Variants in FMN1 observed in about 807,000 individuals in gnomAD.
FMN1 encodes the protein formin 1.
FMN1 carries 110 observed loss-of-function variants against 132.4 expected under a neutral mutation model. That is an observed-to-expected ratio of 0.83 (90% CI 0.71 to 0.97). FMN1 has a LOEUF of 0.97. Ranked by LOEUF, FMN1 falls within the 50% of genes least tolerant of loss-of-function variation. The pLI is 0.00. For synonymous variants in FMN1, 722 were observed against 651.7 expected, an observed-to-expected ratio of 1.11 and a Z score of -1.64; for missense variants, 1,792 against 1,705.3, an observed-to-expected ratio of 1.05 and a Z score of -0.90.
intron 6 of FMN1, among the ~76,000 whole-genome samples, chr15:33,053,200 G>C (rs992322599): frequency 2.6e-5 from 4 of 152,184 alleles, no homozygotes; most frequent in African/African-American, 9.6e-5. Flanking sequence ...GCCAACTGCT[G>C]ACTGGGCTGC....
At chr15:32,954,129 C>G (rs1468537643) in intron 9 of FMN1, among the ~76,000 whole-genome samples, 1 of 152,164 alleles carries the variant, frequency 6.6e-6, no homozygotes, top group African/African-American at 2.4e-5. Flanking sequence ...CTGCTAATTT[C>G]CACTGCAGTT....
chr15:32,838,828 A>T (rs1041668731), intron 17 of FMN1, among the ~76,000 whole-genome samples: 1 of 152,214 alleles, frequency 6.6e-6, no homozygotes, highest in Non-Finnish European at 1.5e-5. Flanking sequence ...GAACAATAGG[A>T]TTGTGACACG....
chr15:32,921,880 CCAGGTTGGT>C (rs1393059393), intron 10 of FMN1, among the ~76,000 whole-genome samples: 1 of 151,978 alleles, frequency 6.6e-6, no homozygotes, highest in Non-Finnish European at 1.5e-5. Context: ...GCCATGTTGG[CCAGGTTGGT>C]CTCGAACTCC....
intron 9 of FMN1, among the ~76,000 whole-genome samples, chr15:32,955,302 C>T (rs910429004): frequency 6.6e-6 from 1 of 152,190 alleles, no homozygotes; most frequent in African/African-American, 2.4e-5. Context: ...CCTGTGAGGG[C>T]ATGTGCAGGG....
intron 17 of FMN1, among the ~76,000 whole-genome samples, chr15:32,817,052 A>G (rs1387211714): frequency 6.6e-6 from 1 of 152,238 alleles, no homozygotes; most frequent in Non-Finnish European, 1.5e-5. Context: ...CTTATACATG[A>G]TTTACAATAT....
At chr15:33,001,778 G>A (rs988843880) in intron 7 of FMN1, among the ~76,000 whole-genome samples, 1 of 149,540 alleles carries the variant, frequency 6.7e-6, no homozygotes, top group East Asian at 2.0e-4. Flanking sequence ...GGACTGCGGT[G>A]GTGCGCGCAT....
intron 4 of FMN1, among the ~76,000 whole-genome samples, chr15:33,127,873 C>T (rs1025028069): frequency 5.9e-5 from 9 of 152,100 alleles, no homozygotes; most frequent in African/African-American, 4.8e-5. Flanking sequence ...GTGCTGTTTC[C>T]GAGGAATCTT....
intron 15 of FMN1, among the ~76,000 whole-genome samples, chr15:32,898,592 G>GTC (rs1324473594): frequency 1.3e-5 from 2 of 152,176 alleles, no homozygotes; most frequent in Non-Finnish European, 2.9e-5. Context: ...GCAGCTAGGG[G>GTC]TCTCTCTGAA....
intron 4 of FMN1, among the ~76,000 whole-genome samples, chr15:33,106,970 C>A (rs1043974407): frequency 3.9e-5 from 6 of 152,010 alleles, no homozygotes; most frequent in Non-Finnish European, 7.4e-5. Context: ...ATGTATCTGG[C>A]CATAAGCTCT....
rs372691945 is a variant in FMN1 at position 33,065,052 on chromosome 15, T to C, written c.2066A>G (p.Gln689Arg). ...DLHPDHSLTEQDDRTPGRLQA... is the reference protein window; with the variant it reads ...DLHPDHSLTERDDRTPGRLQA... ...AAGTCTGCCAGGAGTCCTGTCATCC[T>C]GCTCAGTCAGGCTGTGGTCAGGCTG... The change falls in exon 6 of 21, where the codon CAG becomes CGG. Residue 689 changes from glutamine to arginine, a missense_variant. Physicochemically the swap from Gln to Arg is conservative, Grantham distance 43. This residue lies in a region of FMN1 where 1,150 missense variants were observed against 1,043.1 expected (regional missense o/e 1.10). Transcript: ENST00000616417. 6 of 1,610,666 alleles carry C rather than the reference T, an allele frequency of 3.7e-6. No homozygotes were observed. Among genetic ancestry groups the C allele is most frequent in the Non-Finnish European group, 5.1e-6 (6 of 1,178,378 alleles).
chr15:32,886,112 TG>T (rs769238946), intron 16 of FMN1, among the ~76,000 whole-genome samples: 17 of 152,196 alleles, frequency 1.1e-4, no homozygotes, highest in Non-Finnish European at 1.9e-4. Flanking sequence ...TCTTGCCAGA[TG>T]GTATTTAGAA....
rs972216922 is a variant in FMN1 at position 32,888,191 on chromosome 15, T to C, written c.3816A>G (p.Lys1272=). The C allele has an allele frequency of 7.5e-6, 12 of 1,610,594 alleles. No homozygotes were observed. Among genetic ancestry groups the C allele is most frequent in the Non-Finnish European group, 1.0e-5 (12 of 1,178,860 alleles). The change falls in exon 16 of 21, where the codon AAA becomes AAG. Residue 1272 remains lysine (K), a synonymous_variant. Transcript: ENST00000616417. ...KFEDLIKDLR[K]LKRQLEASEK... is the part of the protein sequence containing the mutation. The stretch of plus-strand genomic sequence containing the variant: ...TATTACCTTCTAGTTGCCTCTTCAG[T>C]TTTCTCAAATCTTTTATGAGGTCTT...
At chr15:32,834,810 G>GGA in intron 17 of FMN1, among the ~76,000 whole-genome samples, 1 of 152,286 alleles carries the variant, frequency 6.6e-6, no homozygotes, top group African/African-American at 2.4e-5. Context: ...TGTTTAAAGG[G>GGA]GAGAAGCCCT....
At chr15:33,189,815 A>C (rs2140359728) in intron 2 of FMN1, among the ~76,000 whole-genome samples, 1 of 152,368 alleles carries the variant, frequency 6.6e-6, no homozygotes, top group Non-Finnish European at 1.5e-5. Flanking sequence ...GGATGGACAC[A>C]GAGAAAACAT....
At position 33,154,627 on chromosome 15, in the gene FMN1, T is replaced by C. The variant is rs1242607311; in HGVS notation, c.288A>G (p.Arg96=). The part of the protein sequence containing the change: ...ELYKLTTERE[R]LLTNLLSSDH... ...CTGAGCTCAGGAGATTGGTTAGCAGTCTCTCCCTCTCTGTTGTGAGTTTGT... is the reference window on the plus strand; with the variant it reads ...CTGAGCTCAGGAGATTGGTTAGCAGCCTCTCCCTCTCTGTTGTGAGTTTGT... Residue 96 remains arginine (R), a synonymous_variant, in exon 4 of 21, where the codon AGA becomes AGG. Transcript: ENST00000616417. 1 of 1,536,090 alleles carries C rather than the reference T, an allele frequency of 6.5e-7. No individual in the cohort carries two copies. The highest frequency in any genetic ancestry group is 2.0e-5 in the Admixed American group (1 of 50,992).
rs1369546274 is a variant in FMN1 at position 33,153,272 on chromosome 15, T to G, written c.1643A>C (p.Glu548Ala). The change falls in exon 4 of 21, where the codon GAA (glutamate) becomes GCA (alanine). Residue 548 changes from glutamate (E) to alanine (A), a missense_variant. Physicochemically the swap from Glu to Ala is moderately radical, Grantham distance 107. Around this residue, in one of 3 missense-constraint regions of FMN1, gnomAD observed 1,150 missense variants for 1,043.1 expected, o/e 1.10. Coordinates refer to ENST00000616417, the MANE Select transcript of FMN1 (RefSeq NM_001277313.2). ...LRLPALPGER[E>A]AALNDSPCRK... ...ACAAGGAGAGTCATTAAGAGCAGCTTCCCTCTCACCAGGCAATGCAGGGAG... is the reference window on the plus strand; with the variant it reads ...ACAAGGAGAGTCATTAAGAGCAGCTGCCCTCTCACCAGGCAATGCAGGGAG... 7 of 1,536,004 alleles carry G rather than the reference T, an allele frequency of 4.6e-6. No individual in the cohort carries two copies. The highest frequency in any genetic ancestry group is 6.1e-6 in the Non-Finnish European group (7 of 1,146,926).
intron 5 of FMN1, among the ~76,000 whole-genome samples, chr15:33,074,559 A>AT (rs2038125076): frequency 1.3e-5 from 2 of 152,250 alleles, no homozygotes; most frequent in Non-Finnish European, 2.9e-5. Context: ...ACTGGGCAGT[A>AT]TCAAAGCTTC....
intron 6 of FMN1, among the ~76,000 whole-genome samples, chr15:33,010,269 AAGAAC>A (rs1470285154): frequency 9.9e-5 from 15 of 152,170 alleles, no homozygotes; most frequent in Non-Finnish European, 4.4e-5. Context: ...TAGAGGGATG[AAGAAC>A]AGATCAGAAT....
intron 20 of FMN1, 68 bp downstream of exon 20, chr15:32,776,767 T>G (rs2056432103): frequency 2.3e-6 from 2 of 888,086 alleles, no homozygotes; most frequent in Non-Finnish European, 1.8e-6. Flanking sequence ...TCTCTGAGCT[T>G]TAGCCCTTCC....
Sources: allele counts gnomAD v4.1 joint callset (sites outside exome capture counted in the v4.1 genomes callset), GRCh38; gene constraint gnomAD v4.1.1; regional missense constraint gnomAD v4.1.1; transcripts MANE v1.5; gene names NCBI Gene and HGNC (gene_info 2026-07-23, HGNC 2026-07-21).